BPTF: variants seen among roughly 807,000 people sequenced by gnomAD.
BPTF encodes the protein bromodomain PHD finger transcription factor, also known as nucleosome-remodeling factor subunit BPTF.
BPTF carries 18 observed loss-of-function variants against 292.5 expected under a neutral mutation model. That is an observed-to-expected ratio of 0.06 (90% CI 0.04 to 0.09). The LOEUF (loss-of-function observed/expected upper bound fraction) is 0.09, where lower values mean the gene tolerates loss of function less well. Ranked by LOEUF, BPTF falls within the 10% of genes least tolerant of loss-of-function variation. BPTF has a pLI of 1.00. For missense variants in BPTF, 2,726 were observed against 3,498.7 expected (o/e 0.78, Z 5.57); for synonymous variants, 1,225 against 1,251.9 (o/e 0.98, Z 0.45).
rs1055033808 is a variant in BPTF at position 67,911,214 on chromosome 17, A to G, written c.3330A>G (p.Lys1110=). The G allele has an allele frequency of 3.7e-6, 6 of 1,613,962 alleles. No homozygotes were observed. The highest frequency in any genetic ancestry group is 1.7e-5 in the Admixed American group (1 of 60,010). The part of the protein sequence containing the change: ...KNLSESPVIT[K]AKEGCQSDSM... ...TCTCTGAATCACCAGTAATAACGAA[A>G]GCAAAAGAAGGGTGTCAGAGTGACT... The change falls in exon 11 of 28, where the codon AAA becomes AAG. Residue 1110 remains lysine, a synonymous_variant. Coordinates refer to ENST00000306378, the MANE Select transcript of BPTF (RefSeq NM_182641.4).
intron 5 of BPTF, among the ~76,000 whole-genome samples, chr17:67,892,879 A>T (rs1567994138): frequency 6.6e-6 from 1 of 152,206 alleles, no homozygotes; most frequent in Non-Finnish European, 1.5e-5. Context: ...GTCCACTAAG[A>T]GTTGGGATCA....
intron 3 of BPTF, among the ~76,000 whole-genome samples, chr17:67,869,019 G>T (rs1386431768): frequency 6.6e-6 from 1 of 152,022 alleles, no homozygotes; most frequent in Non-Finnish European, 1.5e-5. Context: ...AAGTCTTTGG[G>T]GGATAAGTAA....
At chr17:67,871,554 G>A (rs1177272531) in intron 3 of BPTF, among the ~76,000 whole-genome samples, 1 of 151,308 alleles carries the variant, frequency 6.6e-6, no homozygotes, top group African/African-American at 2.4e-5. Flanking sequence ...TTTATCCTAT[G>A]CCTGTATGGT....
At position 67,931,916 on chromosome 17, in the gene BPTF, C is replaced by G. The variant is rs773414397; in HGVS notation, c.6156C>G (p.Ile2052Met). The stretch of plus-strand genomic sequence containing the variant: ...GTTCTTTGTGTCATTTATAGGTAAT[C>G]ACAGGGCCTCAGATTCGCCCTGGTA... Reference protein sequence around the residue: ...SGGTTSNSQVITGPQIRPGMT... With the variant: ...SGGTTSNSQVMTGPQIRPGMT... Residue 2052 changes from isoleucine (I) to methionine (M), a missense_variant, in exon 18 of 28, where the codon ATC becomes ATG. Physicochemically the swap from Ile to Met is conservative, Grantham distance 10 (BLOSUM62 1). Coordinates refer to ENST00000306378, the MANE Select transcript of BPTF (RefSeq NM_182641.4). 6.2e-7 allele frequency: 1 copy of G among 1,611,038 alleles called. No homozygotes were observed. Among genetic ancestry groups the G allele is most frequent in the Non-Finnish European group, 8.5e-7 (1 of 1,178,266 alleles).
chr17:67,835,734 C>T (rs1270653932), intron 1 of BPTF, among the ~76,000 whole-genome samples: 7 of 147,852 alleles, frequency 4.7e-5, no homozygotes, highest in Non-Finnish European at 8.9e-5. Flanking sequence ...GGCGCGATTT[C>T]GGCTCACTGT....
chr17:67,976,733 T>A (rs1555694193), intron 27 of BPTF, among the ~76,000 whole-genome samples: 4 of 89,872 alleles, frequency 4.5e-5, no homozygotes, highest in African/African-American at 1.1e-4. Flanking sequence ...AAAAGAAGAA[T>A]TTCCTGAGCT....
intron 1 of BPTF, among the ~76,000 whole-genome samples, chr17:67,829,335 CT>C (rs961035093): frequency 1.4e-4 from 21 of 147,436 alleles, no homozygotes; most frequent in African/African-American, 3.7e-4. Flanking sequence ...ATAGATGTGA[CT>C]TTTTTTTTTC....
rs1203912844 is a variant in BPTF at position 67,964,510 on chromosome 17, C to T, written c.8454+106C>T. ...CAATCTTAGAATGATTATTTACTGA[C>T]TCCCAGCTAGTCTAGTGAAGTGCCT... On this transcript the variant is annotated intron_variant, in intron 25 of 27. Coordinates refer to ENST00000306378, the MANE Select transcript of BPTF (RefSeq NM_182641.4). 43 of 1,328,494 alleles carry T rather than the reference C, an allele frequency of 3.2e-5. No individual in the cohort carries two copies. In the African/African-American group the frequency reaches 4.1e-4, roughly 13 times the overall value. The allele number at this position is 1,328,494 out of a possible 1,614,324, so 82.3% of individuals were successfully genotyped here.
chr17:67,846,246 T>C (rs2058023942), intron 1 of BPTF, among the ~76,000 whole-genome samples: 1 of 152,134 alleles, frequency 6.6e-6, no homozygotes, highest in South Asian at 2.1e-4. Context: ...TTCCCACACT[T>C]TGGGAGGTTG....
At chr17:67,942,638 G>A (rs1555672476) in intron 19 of BPTF, among the ~76,000 whole-genome samples, 1 of 152,182 alleles carries the variant, frequency 6.6e-6, no homozygotes, top group African/African-American at 2.4e-5. Flanking sequence ...CCCTAGAGAA[G>A]TTGTTGGCCA....
rs782021758 is a variant in BPTF, at chr17:67,948,252, C to T, written c.7872C>T (p.Ala2624=). ...TCAAGCACAAAGAGCAGCTCAGAGC[C>T]GAGATCCTGAAGAAGAGAGCACTCC... is the stretch of plus-strand genomic sequence containing the variant. ...LLFKHKEQLR[A]EILKKRALLD... Residue 2624 remains alanine (A), a synonymous_variant, in exon 23 of 28, where the codon GCC becomes GCT. Coordinates refer to ENST00000306378, the MANE Select transcript of BPTF (RefSeq NM_182641.4). 58 of 1,613,884 alleles carry T rather than the reference C, an allele frequency of 3.6e-5. No homozygotes were observed. The highest frequency in any genetic ancestry group is 4.3e-5 in the Non-Finnish European group (51 of 1,180,040).
chr17:67,961,676 G>A (rs112399193), intron 24 of BPTF, among the ~76,000 whole-genome samples: 2,791 of 152,104 alleles, frequency 0.018, 90 homozygotes, highest in African/African-American at 0.064. Flanking sequence ...GAGAGACCCC[G>A]TCTGTACAAA....
At chr17:67,950,488 G>T (rs888676325) in intron 23 of BPTF, among the ~76,000 whole-genome samples, 1 of 151,892 alleles carries the variant, frequency 6.6e-6, no homozygotes, top group Non-Finnish European at 1.5e-5. Flanking sequence ...AGAAGACATT[G>T]TTTTTATGTG....
At chr17:67,904,293 G>C (rs2062035982) in intron 8 of BPTF, among the ~76,000 whole-genome samples, 1 of 152,204 alleles carries the variant, frequency 6.6e-6, no homozygotes, top group Admixed American at 6.5e-5. Context: ...GCCTCCCAAA[G>C]TGCTGGAATT....
chr17:67,918,677 T>C, intron 11 of BPTF, 37 bp from the exon 12 acceptor site: 1 of 1,584,734 alleles, frequency 6.3e-7, no homozygotes, highest in Non-Finnish European at 8.7e-7. Context: ...TGTATATACA[T>C]ATAGATATAT....
intron 7 of BPTF, 64 bp from the exon 8 acceptor site, chr17:67,903,725 G>T (rs1038092019): frequency 7.1e-7 from 1 of 1,412,886 alleles, no homozygotes; most frequent in Non-Finnish European, 9.3e-7. Context: ...TTTCAGTATT[G>T]CATTTTTATC....
Position 67,932,418 on chromosome 17 carries a change from G to A in BPTF, c.6259+399G>A, listed in dbSNP as rs370221851. On this transcript the variant is annotated intron_variant, in intron 18 of 27. Transcript: ENST00000306378. ...ACTACCATTTTAAAAGTTGAAGACT[G>A]GCCAGGCTAGGTGACTCTCCCCTGT... 2.0e-4 allele frequency among the ~76,000 whole-genome samples: 31 copies of A among 152,320 alleles called. 1 individual carries two copies. In the South Asian group the frequency reaches 6.4e-3, roughly 32 times the overall value.
At chr17:67,881,864 T>TG (rs71142105) in intron 4 of BPTF, among the ~76,000 whole-genome samples, 57,166 of 92,500 alleles carry the variant, frequency 0.62, 18,615 homozygotes, top group Non-Finnish European at 0.72. Flanking sequence ...TTTTGTTTTT[T>TG]TTTTTTTTTT....
At chr17:67,900,444 C>G (rs2061754169) in intron 7 of BPTF, among the ~76,000 whole-genome samples, 1 of 151,772 alleles carries the variant, frequency 6.6e-6, no homozygotes, top group Non-Finnish European at 1.5e-5. Flanking sequence ...GTAAAGCAAT[C>G]TTTAGGCCAG....
Sources: gnomAD v4.1 joint callset for allele counts (sites outside exome capture counted in the v4.1 genomes callset) on GRCh38, gnomAD v4.1.1 for gene constraint, MANE v1.5 for transcripts, NCBI Gene and HGNC (gene_info 2026-07-23, HGNC 2026-07-21) for gene names.